The following EGFR variants were observed in gnomAD, a reference collection of about 807,000 sequenced individuals.
EGFR encodes epidermal growth factor receptor.
Under a neutral mutation model 143.0 loss-of-function variants are expected in EGFR, and 58 were observed. The observed-to-expected ratio is 0.41, with a 90% CI of 0.33 to 0.50. The LOEUF is 0.50. Among genes scored for constraint, EGFR ranks in the 20% least tolerant of loss-of-function variants. EGFR has a pLI of 0.39. For synonymous variants in EGFR, 613 were observed against 594.4 expected (o/e 1.03, Z -0.45); for missense variants, 1,307 against 1,579.0 (o/e 0.83, Z 2.92).
At chr7:55,097,766 C>T (rs770934451) in intron 1 of EGFR, among the ~76,000 whole-genome samples, 7 of 151,848 alleles carry the variant, frequency 4.6e-5, no homozygotes, top group Non-Finnish European at 7.4e-5. Flanking sequence ...CTAGGGACAG[C>T]GCAGATAGAT....
chr7:55,043,796 G>C lies in EGFR; in HGVS notation c.88+24431G>C, dbSNP rs1052888404. The C allele has an allele frequency of 2.6e-5, 4 of 152,228 alleles. No individual in the cohort carries two copies. The East Asian group carries it at 7.7e-4, about 29-fold the overall frequency. 9.4% of individuals were successfully genotyped at this position (152,228 alleles called of 1,614,324 possible). On this transcript the variant is annotated intron_variant, in intron 1 of 27. Coordinates refer to ENST00000275493, the MANE Select transcript of EGFR (RefSeq NM_005228.5). The stretch of plus-strand genomic sequence containing the variant: ...ATCTATCTTCTTTAAAATTGCATAA[G>C]AATGCAGTCCTGTTCTTCATTCCTC...
At chr7:55,202,683 C>T (rs1418820863) in intron 27 of EGFR, 58 bp downstream of exon 27, 29 of 1,505,622 alleles carry the variant, frequency 1.9e-5, no homozygotes, top group Non-Finnish European at 2.5e-5. Context: ...CACTCAGCAG[C>T]AGCCAGTCTC....
At chr7:55,186,255 A>G (rs1237202210) in intron 20 of EGFR, among the ~76,000 whole-genome samples, 7 of 152,248 alleles carry the variant, frequency 4.6e-5, no homozygotes, top group Non-Finnish European at 1.0e-4. Flanking sequence ...ATAGGCTGTC[A>G]TGGAGAAGAG....
chr7:55,135,724 G>A (rs954515509), intron 1 of EGFR, among the ~76,000 whole-genome samples: 2 of 151,974 alleles, frequency 1.3e-5, no homozygotes, highest in African/African-American at 4.8e-5. Context: ...ACTATTGTGT[G>A]GTTTAAATCA....
intron 13 of EGFR, among the ~76,000 whole-genome samples, chr7:55,163,175 T>C (rs567923939): frequency 6.6e-6 from 1 of 152,366 alleles, no homozygotes; most frequent in East Asian, 1.9e-4. Flanking sequence ...GAGTCCAGTC[T>C]TACTGACAAA....
chr7:55,204,799 C>T (rs1170653646), intron 27 of EGFR, among the ~76,000 whole-genome samples: 11 of 132,938 alleles, frequency 8.3e-5, no homozygotes, highest in East Asian at 6.9e-4. Flanking sequence ...TACATACACA[C>T]GTATACACAC....
rs2128975344 is a variant in EGFR, at chr7:55,205,412, A to C, written c.3428A>C (p.Gln1143Pro). The change falls in exon 28 of 28, where the codon CAG becomes CCG. Residue 1143 changes from glutamine (Q) to proline (P), a missense_variant. Around this residue, in one of 7 missense-constraint regions of EGFR, gnomAD observed 313 missense variants for 312.3 expected, o/e 1.00. Coordinates refer to ENST00000275493, the MANE Select transcript of EGFR (RefSeq NM_005228.5). ...VGNPEYLNTVQPTCVNSTFDS... is the reference protein window; with the variant it reads ...VGNPEYLNTVPPTCVNSTFDS... ...AACCCCGAGTATCTCAACACTGTCC[A>C]GCCCACCTGTGTCAACAGCACATTC... 6.2e-7 allele frequency: 1 copy of C among 1,614,154 alleles called. No homozygotes were observed. Among genetic ancestry groups the C allele is most frequent in the Non-Finnish European group, 8.5e-7 (1 of 1,180,022 alleles).
intron 1 of EGFR, among the ~76,000 whole-genome samples, chr7:55,080,021 A>AT (rs1418804062): frequency 4.6e-5 from 7 of 152,050 alleles, no homozygotes; most frequent in African/African-American, 1.7e-4. Context: ...TATATTTTTA[A>AT]TTTTTTTATT....
At chr7:55,200,584 A>G (rs1233347326) in intron 24 of EGFR, 171 bp downstream of exon 24, 6 of 707,218 alleles carry the variant, frequency 8.5e-6, no homozygotes, top group African/African-American at 1.7e-5. Context: ...TCGTGAACTA[A>G]GCAGCATCCG....
intron 1 of EGFR, among the ~76,000 whole-genome samples, chr7:55,038,106 G>A (rs1787699758): frequency 2.0e-5 from 3 of 152,200 alleles, no homozygotes; most frequent in Admixed American, 6.5e-5. Flanking sequence ...ATAGAAGGGA[G>A]ATAGGAAAGC....
intron 1 of EGFR, among the ~76,000 whole-genome samples, chr7:55,131,407 A>T (rs867218388): frequency 9.9e-5 from 15 of 151,990 alleles, no homozygotes; most frequent in African/African-American, 3.4e-4. Flanking sequence ...TGGACTGCTC[A>T]TTGGTAAAAT....
intron 1 of EGFR, among the ~76,000 whole-genome samples, chr7:55,065,004 T>C (rs1299526087): frequency 6.6e-6 from 1 of 152,086 alleles, no homozygotes; most frequent in Non-Finnish European, 1.5e-5. Flanking sequence ...TATAATAAAA[T>C]CAGAAGGCAC....
In EGFR at chr7:55,181,301, C is replaced by T. The variant is rs755011268; in HGVS notation, c.2292C>T (p.Tyr764=). 1.3e-5 allele frequency: 21 copies of T among 1,614,084 alleles called. No homozygotes were observed. In the East Asian group the frequency reaches 2.2e-4, roughly 17 times the overall value. The change falls in exon 20 of 28, where the codon TAC becomes TAT. Residue 764 remains tyrosine, a synonymous_variant. Coordinates refer to ENST00000275493, the MANE Select transcript of EGFR (RefSeq NM_005228.5). ...KANKEILDEA[Y]VMASVDNPHV... ...CCTCTCCCTCCCTCCAGGAAGCCTA[C>T]GTGATGGCCAGCGTGGACAACCCCC...
intron 1 of EGFR, among the ~76,000 whole-genome samples, chr7:55,073,207 G>A (rs1789934044): frequency 1.3e-5 from 2 of 152,234 alleles, no homozygotes; most frequent in African/African-American, 4.8e-5. Flanking sequence ...CCGGATCAAG[G>A]AAAGGGCAGT....
At chr7:55,203,284 A>C (rs963695176) in intron 27 of EGFR, among the ~76,000 whole-genome samples, 3 of 148,672 alleles carry the variant, frequency 2.0e-5, no homozygotes, top group Non-Finnish European at 4.5e-5. Context: ...CACCACAAAA[A>C]CCCCACACAC....
chr7:55,038,002 A>G (rs562608361), intron 1 of EGFR, among the ~76,000 whole-genome samples: 123 of 152,216 alleles, frequency 8.1e-4, no homozygotes, highest in Middle Eastern at 3.4e-3. Context: ...GCGCCCAGTT[A>G]GTTGTGTACT....
At position 55,050,527 on chromosome 7, in the gene EGFR, C is replaced by G. The variant is rs1788428751; in HGVS notation, c.88+31162C>G. On this transcript the variant is annotated intron_variant, in intron 1 of 27. Coordinates refer to ENST00000275493, the MANE Select transcript of EGFR (RefSeq NM_005228.5). ...CACTTGGGTTGCTTCTGCTTTTTAG[C>G]TATTGTGAATAACGCTGCTATGAAC... 4.6e-5 allele frequency among the ~76,000 whole-genome samples: 7 copies of G among 152,214 alleles called. No homozygotes were observed. In the South Asian group the frequency reaches 1.4e-3, roughly 32 times the overall value.
At position 55,173,002 on chromosome 7, in the gene EGFR, G is replaced by C. The variant is rs764359156; in HGVS notation, c.1939G>C (p.Ala647Pro). 6.2e-7 allele frequency: 1 copy of C among 1,614,080 alleles called. No individual in the cohort carries two copies. Among genetic ancestry groups the C allele is most frequent in the Non-Finnish European group, 8.5e-7 (1 of 1,180,038 alleles). Residue 647 changes from alanine to proline, a missense_variant, in exon 17 of 28, where the codon GCC becomes CCC. By Grantham distance (27) the Ala-to-Pro change is conservative. Around this residue, in one of 7 missense-constraint regions of EGFR, gnomAD observed 348 missense variants for 451.5 expected, o/e 0.77. Transcript: ENST00000275493. The stretch of plus-strand genomic sequence containing the variant: ...TTCCAGGCCTAAGATCCCGTCCATC[G>C]CCACTGGGATGGTGGGGGCCCTCCT... ...PTNGPKIPSI[A>P]TGMVGALLLL...
At chr7:55,091,847 A>AACACACAC (rs71014681) in intron 1 of EGFR, among the ~76,000 whole-genome samples, 2,679 of 132,102 alleles carry the variant, frequency 0.02, 26 homozygotes, top group African/African-American at 0.035. Flanking sequence ...ACCCACTGTA[A>AACACACAC]ACACACACAC....
Sources: gnomAD v4.1 joint callset for allele counts (sites outside exome capture counted in the v4.1 genomes callset) on GRCh38, gnomAD v4.1.1 for gene constraint, gnomAD v4.1.1 regional missense constraint, MANE v1.5 for transcripts, NCBI Gene and HGNC (gene_info 2026-07-23, HGNC 2026-07-21) for gene names.